CDYL: variants seen among roughly 807,000 people sequenced by gnomAD.
CDYL encodes the protein chromodomain Y like, also known as chromodomain Y-like protein.
CDYL carries 8 observed loss-of-function variants against 47.3 expected under a neutral mutation model. That is an observed-to-expected ratio of 0.17 (90% CI 0.10 to 0.31). CDYL has a LOEUF of 0.31. CDYL is among the 10% of genes least tolerant of loss of function. The pLI is 1.00. For synonymous variants in CDYL, 266 were observed against 265.0 expected (o/e 1.00, Z -0.04); for missense variants, 471 against 701.4 (o/e 0.67, Z 3.71).
chr6:4,819,025 G>A (rs1177885198), intron 1 of CDYL, among the ~76,000 whole-genome samples: 1 of 152,012 alleles, frequency 6.6e-6, no homozygotes, highest in Non-Finnish European at 1.5e-5. Flanking sequence ...ACAGAGGTGA[G>A]CACTGGGAGT....
At chr6:4,900,783 A>ATATGTATG (rs1561697435) in intron 2 of CDYL, among the ~76,000 whole-genome samples, 366 of 30,674 alleles carry the variant, frequency 0.012, 20 homozygotes, top group Non-Finnish European at 0.016. Context: ...ACGTGTGTAT[A>ATATGTATG]TATATATATA....
Position 4,806,679 on chromosome 6 carries a change from T to C in CDYL, c.24+29872T>C, listed in dbSNP as rs556225665. 1.2e-4 allele frequency among the ~76,000 whole-genome samples: 18 copies of C among 152,338 alleles called. No homozygotes were observed. In the South Asian group the frequency reaches 3.7e-3, roughly 32 times the overall value. Reference sequence around the variant, plus strand: ...GCATTCAGATCCTGTCTCTTTAGGCTCCTTCCTTCTGCGACGGTTCCTCAG... The same window carrying C: ...GCATTCAGATCCTGTCTCTTTAGGCCCCTTCCTTCTGCGACGGTTCCTCAG... On this transcript the variant is annotated intron_variant, in intron 1 of 6. Transcript: ENST00000397588.
At chr6:4,938,085 A>AGTGTGT (rs1385206162) in intron 4 of CDYL, among the ~76,000 whole-genome samples, 3 of 152,224 alleles carry the variant, frequency 2.0e-5, no homozygotes, top group Admixed American at 6.5e-5. Flanking sequence ...TTGTGCCGTG[A>AGTGTGT]GTATGTTCTG....
chr6:4,725,475 G>A (rs959176724), intron 2 of CDYL, among the ~76,000 whole-genome samples: 7 of 152,206 alleles, frequency 4.6e-5, no homozygotes, highest in Non-Finnish European at 7.3e-5. Context: ...GCCCTGCCCC[G>A]CTGGGAGGCC....
At chr6:4,847,239 A>T (rs532168798) in intron 1 of CDYL, among the ~76,000 whole-genome samples, 1 of 152,146 alleles carries the variant, frequency 6.6e-6, no homozygotes, top group African/African-American at 2.4e-5. Context: ...TGGTGCATCA[A>T]AGTTGAGTCT....
intron 2 of CDYL, among the ~76,000 whole-genome samples, chr6:4,900,278 T>A (rs1756981258): frequency 6.6e-6 from 1 of 152,246 alleles, no homozygotes; most frequent in African/African-American, 2.4e-5. Context: ...AGACTCAAAT[T>A]ATTTCTTTTT....
chr6:4,952,249 A>G lies in CDYL; in HGVS notation c.1333-17A>G. The G allele has an allele frequency of 2.5e-6, 4 of 1,609,076 alleles. No individual in the cohort carries two copies. Among genetic ancestry groups the G allele is most frequent in the Non-Finnish European group, 3.4e-6 (4 of 1,177,574 alleles). ...TCCCACCGCAATTCATATTACATCC[A>G]CTCTTCTTCCTTGCAGGCAAACGAG... On this transcript the variant is annotated splice_polypyrimidine_tract_variant and intron_variant, in intron 5 of 6. Coordinates refer to ENST00000397588, the MANE Select transcript of CDYL (RefSeq NM_004824.4).
At chr6:4,766,468 C>T (rs575211985) in intron 3 of CDYL, among the ~76,000 whole-genome samples, 62 of 152,192 alleles carry the variant, frequency 4.1e-4, no homozygotes, top group African/African-American at 1.4e-3. Flanking sequence ...GCCTCAGCCT[C>T]CCAAAGTTCT....
chr6:4,802,433 G>A (rs1218203639), intron 1 of CDYL, among the ~76,000 whole-genome samples: 1 of 152,086 alleles, frequency 6.6e-6, no homozygotes, highest in Non-Finnish European at 1.5e-5. Flanking sequence ...CAGCTACTTG[G>A]GAGGTTGAGG....
chr6:4,881,616 T>C (rs760070956), intron 1 of CDYL, among the ~76,000 whole-genome samples: 1 of 152,246 alleles, frequency 6.6e-6, no homozygotes, highest in Non-Finnish European at 1.5e-5. Flanking sequence ...TTTGTGCTAT[T>C]GTTATATATT....
At chr6:4,711,762 C>T (rs77100357) in intron 1 of CDYL, among the ~76,000 whole-genome samples, 3,359 of 152,102 alleles carry the variant, frequency 0.022, 120 homozygotes, top group African/African-American at 0.075. Flanking sequence ...GACCACCAAG[C>T]GAGTATAAAA....
chr6:4,782,438 C>T (rs76487498), intron 1 of CDYL, among the ~76,000 whole-genome samples: 9,466 of 152,196 alleles, frequency 0.062, 328 homozygotes, highest in Middle Eastern at 0.088. Flanking sequence ...AAGCATTATG[C>T]CTCTTGCTGT....
At chr6:4,850,002 A>G (rs1442154702) in intron 1 of CDYL, among the ~76,000 whole-genome samples, 1 of 152,176 alleles carries the variant, frequency 6.6e-6, no homozygotes, top group East Asian at 1.9e-4. Flanking sequence ...GGGTGACTTC[A>G]TTTAACTCTG....
chr6:4,789,076 TTTTG>T (rs200888937), intron 1 of CDYL, among the ~76,000 whole-genome samples: 6 of 152,004 alleles, frequency 3.9e-5, no homozygotes, highest in Admixed American at 1.3e-4. Context: ...TTTTCGTGTT[TTTTG>T]TTTGTTTGTT....
chr6:4,720,520 A>C (rs1190060000), intron 2 of CDYL, among the ~76,000 whole-genome samples: 1 of 152,236 alleles, frequency 6.6e-6, no homozygotes, highest in East Asian at 1.9e-4. Flanking sequence ...ATTTCCATGA[A>C]TAACATTTAC....
At chr6:4,739,680 G>A (rs1024761664) in intron 3 of CDYL, among the ~76,000 whole-genome samples, 62 of 152,080 alleles carry the variant, frequency 4.1e-4, no homozygotes, top group African/African-American at 1.4e-3. Flanking sequence ...GAGGCCGGGC[G>A]TGGTGGCTCA....
intron 3 of CDYL, among the ~76,000 whole-genome samples, chr6:4,749,711 G>A (rs76086088): frequency 1.4e-3 from 211 of 152,254 alleles, no homozygotes; most frequent in Non-Finnish European, 2.4e-3. Flanking sequence ...TAATCTCATC[G>A]GAAACCTAAG....
intron 2 of CDYL, among the ~76,000 whole-genome samples, chr6:4,913,685 G>A (rs1757474444): frequency 6.6e-6 from 1 of 152,192 alleles, no homozygotes; most frequent in Admixed American, 6.5e-5. Context: ...GGACCGTCTA[G>A]TCTAGGGATC....
At chr6:4,739,142 C>T (rs1757753312) in intron 3 of CDYL, among the ~76,000 whole-genome samples, 1 of 149,896 alleles carries the variant, frequency 6.7e-6, no homozygotes, top group African/African-American at 2.5e-5. Context: ...GCCTGGGCAA[C>T]AAGAGCAAAA....
Sources: allele counts gnomAD v4.1 joint callset (sites outside exome capture counted in the v4.1 genomes callset), GRCh38; gene constraint gnomAD v4.1.1; transcripts MANE v1.5; gene names NCBI Gene and HGNC (gene_info 2026-07-23, HGNC 2026-07-21).